Variants in DNER observed in about 807,000 individuals in gnomAD.
DNER encodes delta and Notch-like epidermal growth factor-related receptor.
DNER carries 33 observed loss-of-function variants against 78.2 expected under a neutral mutation model. That is an observed-to-expected ratio of 0.42 (90% CI 0.32 to 0.56). DNER has a LOEUF of 0.56. DNER is among the 20% of genes least tolerant of loss of function. The probability of loss-of-function intolerance (pLI) is 0.11; values close to 1 mark genes in which losing one functional copy is unlikely to be tolerated. For synonymous variants in DNER, 417 were observed against 384.8 expected, an observed-to-expected ratio of 1.08 and a Z score of -0.98; for missense variants, 918 against 975.3, an observed-to-expected ratio of 0.94 and a Z score of 0.78.
chr2:229,370,907 C>T (rs1285490668), intron 11 of DNER, among the ~76,000 whole-genome samples: 1 of 152,174 alleles, frequency 6.6e-6, no homozygotes, highest in African/African-American at 2.4e-5. Flanking sequence ...AGTGAGTGCA[C>T]AACCACATGG....
At chr2:229,645,305 A>C (rs920511871) in intron 1 of DNER, among the ~76,000 whole-genome samples, 1 of 152,154 alleles carries the variant, frequency 6.6e-6, no homozygotes, top group African/African-American at 2.4e-5. Flanking sequence ...GGCCCAGGAA[A>C]ATTTTTAAAG....
intron 1 of DNER, among the ~76,000 whole-genome samples, chr2:229,696,813 C>A (rs560590010): frequency 6.6e-6 from 1 of 152,214 alleles, no homozygotes; most frequent in East Asian, 1.9e-4. Flanking sequence ...GATGCTATCA[C>A]CCAGGTAACG....
intron 1 of DNER, among the ~76,000 whole-genome samples, chr2:229,654,520 G>A (rs1423999912): frequency 6.6e-6 from 1 of 152,102 alleles, no homozygotes; most frequent in African/African-American, 2.4e-5. Flanking sequence ...AATACCTAAA[G>A]GGAAAAATAG....
At chr2:229,377,596 G>A (rs1692637149) in intron 11 of DNER, among the ~76,000 whole-genome samples, 1 of 152,152 alleles carries the variant, frequency 6.6e-6, no homozygotes, top group African/African-American at 2.4e-5. Context: ...AATCACTACA[G>A]CTATTTGATC....
intron 7 of DNER, among the ~76,000 whole-genome samples, chr2:229,469,319 G>C (rs1407587992): frequency 1.3e-5 from 2 of 152,154 alleles, no homozygotes; most frequent in Admixed American, 1.3e-4. Context: ...AAACAAACCT[G>C]TTTAGAGCCT....
intron 5 of DNER, among the ~76,000 whole-genome samples, chr2:229,528,212 A>G (rs13400217): frequency 0.026 from 3,919 of 152,286 alleles, 174 homozygotes; most frequent in African/African-American, 0.089. Flanking sequence ...TCAAAAGACG[A>G]TGAGTGGTGG....
intron 5 of DNER, among the ~76,000 whole-genome samples, chr2:229,545,834 C>T (rs957603185): frequency 3.9e-5 from 6 of 152,288 alleles, no homozygotes; most frequent in East Asian, 1.9e-4. Flanking sequence ...TCATCCATGC[C>T]TCTTCTCGGT....
At chr2:229,483,258 C>T (rs1411626792) in intron 6 of DNER, among the ~76,000 whole-genome samples, 1 of 152,186 alleles carries the variant, frequency 6.6e-6, no homozygotes, top group Non-Finnish European at 1.5e-5. Context: ...TCAAGAACCA[C>T]AGTTAGCTTA....
At chr2:229,397,765 T>C (rs1420490629) in intron 10 of DNER, among the ~76,000 whole-genome samples, 1 of 152,032 alleles carries the variant, frequency 6.6e-6, no homozygotes, top group Admixed American at 6.6e-5. Context: ...AACATGCTCA[T>C]AAGTAATCTA....
intron 11 of DNER, among the ~76,000 whole-genome samples, chr2:229,386,632 AAAAC>A (rs1286190063): frequency 6.6e-6 from 1 of 152,030 alleles, no homozygotes. Flanking sequence ...CAAGAAAAAA[AAAAC>A]AAACAACCAC....
intron 11 of DNER, among the ~76,000 whole-genome samples, chr2:229,379,516 A>G (rs73096287): frequency 0.029 from 4,465 of 152,274 alleles, 97 homozygotes; most frequent in African/African-American, 0.06. Context: ...TAGATTTTTT[A>G]CAATGATAGG....
chr2:229,492,809 C>T (rs77496542), intron 6 of DNER, among the ~76,000 whole-genome samples: 19,002 of 152,170 alleles, frequency 0.12, 1,326 homozygotes, highest in South Asian at 0.2. Flanking sequence ...CCTATGACTG[C>T]AGGCACATAC....
At chr2:229,648,473 A>T (rs1698757994) in intron 1 of DNER, among the ~76,000 whole-genome samples, 1 of 152,208 alleles carries the variant, frequency 6.6e-6, no homozygotes, top group African/African-American at 2.4e-5. Flanking sequence ...TTCTCTTTGC[A>T]GAGCTTTTGG....
chr2:229,560,443 G>A (rs1308903586), intron 4 of DNER, among the ~76,000 whole-genome samples: 2 of 152,140 alleles, frequency 1.3e-5, no homozygotes, highest in Admixed American at 6.6e-5. Context: ...AGGCATGAAA[G>A]GTTTGCAATA....
At chr2:229,659,296 C>A (rs190146644) in intron 1 of DNER, among the ~76,000 whole-genome samples, 1 of 152,202 alleles carries the variant, frequency 6.6e-6, no homozygotes, top group East Asian at 1.9e-4. Context: ...CAATACTTAA[C>A]CATAGACACA....
chr2:229,656,125 C>T (rs1698907580), intron 1 of DNER, among the ~76,000 whole-genome samples: 1 of 152,040 alleles, frequency 6.6e-6, no homozygotes, highest in Non-Finnish European at 1.5e-5. Context: ...TTACTGCAGC[C>T]CTAGGAAATT....
intron 1 of DNER, among the ~76,000 whole-genome samples, chr2:229,626,113 G>A (rs940743778): frequency 6.6e-6 from 1 of 152,122 alleles, no homozygotes; most frequent in Non-Finnish European, 1.5e-5. Flanking sequence ...TAGAGACGGG[G>A]TTTCACCGTG....
intron 10 of DNER, among the ~76,000 whole-genome samples, chr2:229,394,421 C>T (rs978076731): frequency 2.6e-5 from 4 of 152,208 alleles, no homozygotes; most frequent in Non-Finnish European, 4.4e-5. Flanking sequence ...TTCTGATAAA[C>T]TGGATATGTC....
intron 1 of DNER, among the ~76,000 whole-genome samples, chr2:229,700,284 ATGTGTG>A (rs74181354): frequency 2.7e-5 from 1 of 36,532 alleles, no homozygotes; most frequent in African/African-American, 6.4e-5. Context: ...ATGTCAATAT[ATGTGTG>A]TGTGTGTGTG....
Sources: gnomAD v4.1 joint callset for allele counts (sites outside exome capture counted in the v4.1 genomes callset) on GRCh38, gnomAD v4.1.1 for gene constraint, MANE v1.5 for transcripts, NCBI Gene and HGNC (gene_info 2026-07-23, HGNC 2026-07-21) for gene names.